MEIKIN: variants seen among roughly 807,000 people sequenced by gnomAD.
The protein encoded by MEIKIN is meiosis-specific kinetochore protein.
chr5:131,878,735 G>T (rs1365672168), intron 9 of MEIKIN, among the ~76,000 whole-genome samples: 1 of 151,940 alleles, frequency 6.6e-6, no homozygotes, highest in Non-Finnish European at 1.5e-5. Flanking sequence ...GCTTGGCGTG[G>T]TAGTGCATGC....
chr5:131,835,194 G>GTGTATATATATATGTGTGTATATATA (rs1372577387), intron 11 of MEIKIN, among the ~76,000 whole-genome samples: 3 of 151,042 alleles, frequency 2.0e-5, no homozygotes, highest in Admixed American at 6.6e-5. Context: ...ATATATGTGT[G>GTGTATATATATATGTGTGTATATATA]TGTGTATATA....
At chr5:131,839,676 C>T (rs1749869944) in intron 11 of MEIKIN, among the ~76,000 whole-genome samples, 1 of 152,134 alleles carries the variant, frequency 6.6e-6, no homozygotes, top group South Asian at 2.1e-4. Context: ...GCAACCCACG[C>T]TTTTTTCTGT....
At chr5:131,944,372 A>G (rs1181687401) in intron 3 of MEIKIN, 1 of 236,520 alleles carries the variant, frequency 4.2e-6, no homozygotes, top group Non-Finnish European at 8.1e-6. Flanking sequence ...AACATGAAAA[A>G]AGGAGTTATT....
chr5:131,900,553 T>C (rs917637104), intron 8 of MEIKIN, among the ~76,000 whole-genome samples: 3 of 111,738 alleles, frequency 2.7e-5, no homozygotes, highest in Non-Finnish European at 4.0e-5. Flanking sequence ...TGTTGGAGCA[T>C]GTGCAGTGGA....
chr5:131,855,989 C>T (rs1393102016), intron 9 of MEIKIN, among the ~76,000 whole-genome samples: 1 of 152,158 alleles, frequency 6.6e-6, no homozygotes. Context: ...GTAGGTGTCT[C>T]TTGTAAGATG....
chr5:131,827,565 G>T (rs377515691), intron 11 of MEIKIN, among the ~76,000 whole-genome samples: 2 of 152,058 alleles, frequency 1.3e-5, no homozygotes, highest in Non-Finnish European at 2.9e-5. Context: ...AGAAAAGTGG[G>T]ATAACTATAT....
chr5:131,836,866 T>C (rs1379314189), intron 11 of MEIKIN, among the ~76,000 whole-genome samples: 1 of 152,194 alleles, frequency 6.6e-6, no homozygotes, highest in Non-Finnish European at 1.5e-5. Flanking sequence ...CTATTGATAG[T>C]TTCTTTTGCC....
intron 8 of MEIKIN, among the ~76,000 whole-genome samples, chr5:131,907,752 A>C (rs1751267129): frequency 2.0e-5 from 3 of 152,020 alleles, no homozygotes; most frequent in African/African-American, 7.2e-5. Flanking sequence ...TGCGCCTGTA[A>C]TCCCAGCTAC....
chr5:131,878,888 A>AAG, intron 9 of MEIKIN, 90 bp downstream of exon 9: 1 of 391,184 alleles, frequency 2.6e-6, no homozygotes, highest in East Asian at 3.6e-5. Context: ...AAAAAAAAAA[A>AAG]AAAAGTAAAT....
chr5:131,852,454 T>C (rs1750131319), intron 10 of MEIKIN, among the ~76,000 whole-genome samples: 1 of 152,158 alleles, frequency 6.6e-6, no homozygotes, highest in South Asian at 2.1e-4. Context: ...TTTATAGCAG[T>C]GTGGAAACAG....
At chr5:131,913,774 A>G (rs1751365928) in intron 7 of MEIKIN, among the ~76,000 whole-genome samples, 1 of 152,234 alleles carries the variant, frequency 6.6e-6, no homozygotes. Context: ...CCAAACTCTA[A>G]GACAACATGA....
chr5:131,923,486 T>C (rs1260906299), intron 5 of MEIKIN, among the ~76,000 whole-genome samples: 2 of 151,956 alleles, frequency 1.3e-5, no homozygotes, highest in Admixed American at 1.3e-4. Context: ...TTTTTTCCTC[T>C]AAATTTTAAT....
intron 8 of MEIKIN, among the ~76,000 whole-genome samples, chr5:131,890,610 CTTCT>C (rs1750893674): frequency 1.3e-5 from 2 of 151,984 alleles, no homozygotes; most frequent in Non-Finnish European, 2.9e-5. Flanking sequence ...TCTCTCTTTT[CTTCT>C]TTATTAGTCT....
At chr5:131,891,531 G>A (rs1329615183) in intron 8 of MEIKIN, among the ~76,000 whole-genome samples, 1 of 152,156 alleles carries the variant, frequency 6.6e-6, no homozygotes, top group Non-Finnish European at 1.5e-5. Flanking sequence ...CAGAGACGAG[G>A]ATTGCAACCC....
At chr5:131,863,360 T>C (rs1750320736) in intron 9 of MEIKIN, among the ~76,000 whole-genome samples, 1 of 152,200 alleles carries the variant, frequency 6.6e-6, no homozygotes, top group East Asian at 1.9e-4. Flanking sequence ...ATTTTCTGTC[T>C]AGATGATCTG....
chr5:131,863,700 C>T (rs1750330362), intron 9 of MEIKIN, among the ~76,000 whole-genome samples: 1 of 151,718 alleles, frequency 6.6e-6, no homozygotes, highest in Non-Finnish European at 1.5e-5. Flanking sequence ...GTGTCCCCAC[C>T]CAAATCTCAT....
intron 9 of MEIKIN, among the ~76,000 whole-genome samples, chr5:131,871,491 G>C (rs950755332): frequency 6.6e-6 from 1 of 152,250 alleles, no homozygotes; most frequent in Non-Finnish European, 1.5e-5. Context: ...GGTAAACAAA[G>C]CGGCTGGGAA....
intron 11 of MEIKIN, among the ~76,000 whole-genome samples, chr5:131,850,754 C>A (rs1750101825): frequency 6.6e-6 from 1 of 151,938 alleles, no homozygotes; most frequent in Non-Finnish European, 1.5e-5. Flanking sequence ...GCCTGGGCAC[C>A]ATAACGAAAC....
chr5:131,854,490 T>C (rs1357007967), intron 10 of MEIKIN, among the ~76,000 whole-genome samples: 1 of 152,184 alleles, frequency 6.6e-6, no homozygotes, highest in African/African-American at 2.4e-5. Flanking sequence ...ATAAATTTTA[T>C]GTTATATATA....
Sources: allele counts gnomAD v4.1 joint callset (sites outside exome capture counted in the v4.1 genomes callset), GRCh38; gene constraint gnomAD v4.1.1; transcripts MANE v1.5; gene names NCBI Gene and HGNC (gene_info 2026-07-23, HGNC 2026-07-21).